The following PCLO variants were observed in gnomAD, a reference collection of about 807,000 sequenced individuals.
PCLO encodes piccolo presynaptic cytomatrix protein.
A neutral mutation model predicts 427.5 loss-of-function variants in PCLO; 82 were observed. That is an observed-to-expected ratio of 0.19 (90% CI 0.16 to 0.23). The LOEUF (loss-of-function observed/expected upper bound fraction) is 0.23. Ranked by LOEUF, PCLO falls within the 10% of genes least tolerant of loss-of-function variation. The pLI, the probability that PCLO is intolerant of heterozygous loss-of-function variation, is 1.00. For synonymous variants in PCLO, 2,357 were observed against 2,155.4 expected (o/e 1.09, Z -2.59); for missense variants, 6,239 against 6,115.9 (o/e 1.02, Z -0.67).
intron 3 of PCLO, among the ~76,000 whole-genome samples, chr7:83,115,304 C>T (rs554871910): frequency 2.6e-5 from 4 of 151,836 alleles, no homozygotes; most frequent in South Asian, 4.2e-4. Flanking sequence ...ATGAGAGTAA[C>T]GGCAATATGT....
At position 82,974,643 on chromosome 7, in the gene PCLO, A is replaced by T. The variant is rs17371806; in HGVS notation, c.3301-8156T>A. ...TTAGGCTGATAGCTATTTATGTATT[A>T]TAAGTGTGGTATAAAAATAATCAAT... is the stretch of plus-strand genomic sequence containing the variant. On this transcript the variant is annotated intron_variant, in intron 3 of 24. Transcript: ENST00000333891. 4.6e-5 allele frequency among the ~76,000 whole-genome samples: 7 copies of T among 151,960 alleles called. No individual in the cohort carries two copies. In the East Asian group the frequency reaches 1.3e-3, roughly 29 times the overall value.
intron 3 of PCLO, among the ~76,000 whole-genome samples, chr7:83,077,874 A>G (rs1050004814): frequency 1.3e-5 from 2 of 152,140 alleles, no homozygotes; most frequent in Admixed American, 6.5e-5. Flanking sequence ...ATAAATGTTC[A>G]AGTTAGAACA....
chr7:82,908,062 C>T (rs1794233437), intron 8 of PCLO, among the ~76,000 whole-genome samples: 1 of 151,822 alleles, frequency 6.6e-6, no homozygotes, highest in South Asian at 2.1e-4. Flanking sequence ...TAAAATAAGT[C>T]AACTATTTTG....
chr7:83,117,934 T>C (rs953910939), intron 3 of PCLO, among the ~76,000 whole-genome samples: 4 of 152,168 alleles, frequency 2.6e-5, no homozygotes, highest in African/African-American at 9.7e-5. Context: ...AGAACTAGTC[T>C]AATAAAAATA....
rs1795419207 is a variant in PCLO at position 82,953,571 on chromosome 7, G to A, written c.7382C>T (p.Thr2461Ile). 6.2e-7 allele frequency: 1 copy of A among 1,612,856 alleles called. No individual in the cohort carries two copies. The highest frequency in any genetic ancestry group is 8.5e-7 in the Non-Finnish European group (1 of 1,179,344). Reference protein sequence around the residue: ...TATPLFDAVTTLETTAVLRSN... With the variant: ...TATPLFDAVTILETTAVLRSN... ...TCTCAGAACAGCTGTGGTCTCTAGA[G>A]TAGTAACAGCATCAAACAGAGGTGT... The change falls in exon 5 of 25, where the codon ACT (threonine) becomes ATT (isoleucine). Residue 2461 changes from threonine to isoleucine, a missense_variant. This residue lies in a region of PCLO where 4,677 missense variants were observed against 4,468.4 expected (regional missense o/e 1.05). Transcript: ENST00000333891.
rs1405870543 is a variant in PCLO, at chr7:83,067,571, C to T, written c.3300+66679G>A. Reference sequence around the variant, plus strand: ...CCCTGGCTGAAGCCACACTGAACACCCTCAGTCCAGGGGCTTACTCCACAC... The same window carrying T: ...CCCTGGCTGAAGCCACACTGAACACTCTCAGTCCAGGGGCTTACTCCACAC... On this transcript the variant is annotated intron_variant, in intron 3 of 24. Transcript: ENST00000333891. Among the ~76,000 whole-genome samples the T allele has an allele frequency of 2.0e-5, 3 of 152,092 alleles. No individual in the cohort carries two copies. In the East Asian group the frequency reaches 5.8e-4, roughly 29 times the overall value.
intron 3 of PCLO, among the ~76,000 whole-genome samples, chr7:83,014,775 A>T (rs879225049): frequency 1.4e-4 from 22 of 152,276 alleles, no homozygotes; most frequent in Non-Finnish European, 2.5e-4. Flanking sequence ...CAAATTATGT[A>T]ACTAACACCT....
At chr7:83,023,242 T>G (rs756547487) in intron 3 of PCLO, among the ~76,000 whole-genome samples, 10 of 152,220 alleles carry the variant, frequency 6.6e-5, no homozygotes, top group Non-Finnish European at 1.2e-4. Flanking sequence ...CAGATCATAA[T>G]GTAAAAATTG....
At chr7:83,050,235 A>AAAAAAAAAAAAAAAAAAAAAAAAAAAC (rs1789210532) in intron 3 of PCLO, among the ~76,000 whole-genome samples, 1 of 99,296 alleles carries the variant, frequency 1.0e-5, no homozygotes, top group Non-Finnish European at 1.9e-5. Flanking sequence ...AAAAAAAAAA[A>AAAAAAAAAAAAAAAAAAAAAAAAAAAC]AACACAAGCA....
intron 3 of PCLO, among the ~76,000 whole-genome samples, chr7:83,039,353 T>A (rs186606266): frequency 6.6e-6 from 1 of 152,044 alleles, no homozygotes. Context: ...TTAGCTCTTA[T>A]ATTTAAGTTT....
intron 3 of PCLO, among the ~76,000 whole-genome samples, chr7:83,103,691 T>C (rs189621370): frequency 6.6e-6 from 1 of 151,970 alleles, no homozygotes; most frequent in East Asian, 1.9e-4. Flanking sequence ...AACAAGATGA[T>C]CACTAAAATT....
In PCLO at chr7:82,787,373, C is replaced by T. The variant is rs576633262; in HGVS notation, c.15007+14145G>A. On this transcript the variant is annotated intron_variant, in intron 22 of 24. Transcript: ENST00000333891. ...TTTTTCTTCATGTGTTTATTGGCTG[C>T]ATAAATATCTTCTTTTGAGAAGAAG... 6.7e-4 allele frequency among the ~76,000 whole-genome samples: 102 copies of T among 152,238 alleles called. 3 individuals carry two copies. The highest frequency in any genetic ancestry group is 1.3e-4 in the Non-Finnish European group (9 of 68,018).
Position 82,993,633 on chromosome 7 carries a change from T to C in PCLO, c.3301-27146A>G, listed in dbSNP as rs373913928. On this transcript the variant is annotated intron_variant, in intron 3 of 24. Coordinates refer to ENST00000333891, the MANE Select transcript of PCLO (RefSeq NM_033026.6). ...TATATTTTTTTTAGTCATCAAAATG[T>C]GATTGCACACTTAATAGACTACAGT... 1.1e-4 allele frequency among the ~76,000 whole-genome samples: 17 copies of C among 152,148 alleles called. No homozygotes were observed. The East Asian group carries it at 2.7e-3, about 24-fold the overall frequency.
chr7:82,953,327 C>A lies in PCLO; in HGVS notation c.7626G>T (p.Met2542Ile). The A allele has an allele frequency of 6.2e-7, 1 of 1,613,750 alleles. No individual in the cohort carries two copies. The change falls in exon 5 of 25, where the codon ATG becomes ATT. Residue 2542 changes from methionine (M) to isoleucine (I), a missense_variant. Physicochemically the swap from Met to Ile is conservative, Grantham distance 10 (BLOSUM62 1). Coordinates refer to ENST00000333891, the MANE Select transcript of PCLO (RefSeq NM_033026.6). ...CTGCTGAAGTCACTAAATTTAAGGT[C>A]ATACTTGAAGTTAAAGATAGGCCTG... ...KPTGLSLTSS[M>I]TLNLVTSADY... is the part of the protein sequence containing the mutation.
At position 82,953,518 on chromosome 7, in the gene PCLO, A is replaced by C. The variant is rs773168560; in HGVS notation, c.7435T>G (p.Cys2479Gly). ...RSNGLPVTRI[C>G]TTAPPPVPPK... ...GGAACAGGAGGAGGTGCAGTAGTAC[A>C]TATTCTTGTAACAGGTAATCCATTA... Residue 2479 changes from cysteine (C) to glycine (G), a missense_variant, in exon 5 of 25, where the codon TGT becomes GGT. Cys to Gly is a radical substitution (Grantham distance 159). Coordinates refer to ENST00000333891, the MANE Select transcript of PCLO (RefSeq NM_033026.6). 1.2e-6 allele frequency: 2 copies of C among 1,613,432 alleles called. No individual in the cohort carries two copies. Among genetic ancestry groups the C allele is most frequent in the East Asian group, 2.2e-5 (1 of 44,842 alleles).
Position 82,951,062 on chromosome 7 carries a change from C to G in PCLO, c.9526G>C (p.Glu3176Gln). 1 of 1,613,904 alleles carries G rather than the reference C, an allele frequency of 6.2e-7. No individual in the cohort carries two copies. The highest frequency in any genetic ancestry group is 8.5e-7 in the Non-Finnish European group (1 of 1,179,854). Residue 3176 changes from glutamate to glutamine, a missense_variant, in exon 6 of 25, where the codon GAG (glutamate) becomes CAG (glutamine). Around this residue, in one of 5 missense-constraint regions of PCLO, gnomAD observed 4,677 missense variants for 4,468.4 expected, o/e 1.05. Transcript: ENST00000333891. ...QTITMESLTA[E>Q]TIDSVPTLTT... The stretch of plus-strand genomic sequence containing the variant: ...AAAGTGGGAACAGAGTCTATCGTCT[C>G]AGCAGTAAGAGACTCCATAGTAATA...
At position 83,098,385 on chromosome 7, in the gene PCLO, G is replaced by A. The variant is rs141635063; in HGVS notation, c.3300+35865C>T. Among the ~76,000 whole-genome samples, 782 of 152,186 alleles carry A rather than the reference G, an allele frequency of 5.1e-3. 8 individuals carry two copies. The highest frequency in any genetic ancestry group is 0.018 in the African/African-American group (741 of 41,514). On this transcript the variant is annotated intron_variant, in intron 3 of 24. Coordinates refer to ENST00000333891, the MANE Select transcript of PCLO (RefSeq NM_033026.6). ...ATGATCAAGTAACAAAAATAGAAAT[G>A]CATTAATCATCTGCTACACATAAAG...
intron 10 of PCLO, among the ~76,000 whole-genome samples, chr7:82,847,520 C>G (rs1269311905): frequency 1.3e-5 from 2 of 152,116 alleles, no homozygotes; most frequent in Non-Finnish European, 2.9e-5. Flanking sequence ...ATTCTGTTCA[C>G]ACTGCCATAA....
intron 8 of PCLO, among the ~76,000 whole-genome samples, chr7:82,906,655 T>TA (rs1364907419): frequency 6.6e-6 from 1 of 152,042 alleles, no homozygotes; most frequent in Non-Finnish European, 1.5e-5. Context: ...AGGGAGTGGT[T>TA]ATGATCTGGA....
Sources: gnomAD v4.1 joint callset for allele counts (sites outside exome capture counted in the v4.1 genomes callset) on GRCh38, gnomAD v4.1.1 for gene constraint, gnomAD v4.1.1 regional missense constraint, MANE v1.5 for transcripts, NCBI Gene and HGNC (gene_info 2026-07-23, HGNC 2026-07-21) for gene names.